Variants in SUMF1 observed in about 807,000 individuals in gnomAD.
The protein encoded by SUMF1 is formylglycine-generating enzyme.
Under a neutral mutation model 47.6 loss-of-function variants are expected in SUMF1, and 48 were observed. The observed-to-expected ratio is 1.01, with a 90% CI of 0.80 to 1.28. The LOEUF (loss-of-function observed/expected upper bound fraction) is 1.28, where lower values mean the gene tolerates loss of function less well. SUMF1 is among the 50% of genes most tolerant of loss of function. The probability of loss-of-function intolerance (pLI) is 0.00; values close to 1 mark genes in which losing one functional copy is unlikely to be tolerated. For missense variants in SUMF1, 571 were observed against 485.4 expected (o/e 1.18, Z -1.66); for synonymous variants, 230 against 192.1 (o/e 1.20, Z -1.63).
Position 4,415,174 on chromosome 3 carries a change from C to A in SUMF1, c.840+1954G>T, listed in dbSNP as rs148715481. ...CCCAGGAGGCGGAGGTTGGAGTGAG[C>A]CACGATCACGCCACTGCACTCCAGC... On this transcript the variant is annotated intron_variant, in intron 6 of 8. Coordinates refer to ENST00000272902, the MANE Select transcript of SUMF1 (RefSeq NM_182760.4). Among the ~76,000 whole-genome samples the A allele has an allele frequency of 3.3e-5, 5 of 149,636 alleles. 1 individual carries two copies. Among genetic ancestry groups the A allele is most frequent in the Admixed American group, 3.3e-4 (5 of 14,978 alleles).
chr3:4,317,025 C>T (rs1431958962), intron 8 of SUMF1: 5 of 1,549,432 alleles, frequency 3.2e-6, no homozygotes, highest in Non-Finnish European at 4.4e-6. Context: ...AGTTTTGCCT[C>T]ATCCACCGTA....
chr3:4,423,938 C>T (rs1701987973), intron 3 of SUMF1, among the ~76,000 whole-genome samples: 3 of 152,200 alleles, frequency 2.0e-5, no homozygotes, highest in African/African-American at 7.2e-5. Context: ...ATCGAAAGGC[C>T]TGAGGCCTCC....
At chr3:4,180,419 T>C (rs1695068005) in intron 8 of SUMF1, among the ~76,000 whole-genome samples, 1 of 151,858 alleles carries the variant, frequency 6.6e-6, no homozygotes, top group South Asian at 2.1e-4. Context: ...CTGGAAACCA[T>C]CATTCTCAGC....
intron 8 of SUMF1, among the ~76,000 whole-genome samples, chr3:4,278,977 G>A (rs745566052): frequency 1.3e-5 from 2 of 152,046 alleles, no homozygotes; most frequent in Admixed American, 6.5e-5. Context: ...AGGCTTTGTA[G>A]TTTGTATGCA....
chr3:4,137,214 A>C (rs1693954154), intron 8 of SUMF1, among the ~76,000 whole-genome samples: 1 of 152,120 alleles, frequency 6.6e-6, no homozygotes, highest in Admixed American at 6.5e-5. Context: ...AAAGACTTGG[A>C]ACCAACCCAA....
At chr3:4,072,782 G>C (rs1401182664) in intron 8 of SUMF1, among the ~76,000 whole-genome samples, 1 of 151,934 alleles carries the variant, frequency 6.6e-6, no homozygotes, top group Non-Finnish European at 1.5e-5. Flanking sequence ...CAAGATTAGA[G>C]AAAAAAAGAG....
chr3:4,296,088 T>C (rs769270535), intron 8 of SUMF1, among the ~76,000 whole-genome samples: 13 of 148,022 alleles, frequency 8.8e-5, no homozygotes, highest in Non-Finnish European at 1.6e-4. Flanking sequence ...TTTTTTCTTA[T>C]AGAAAAATGA....
intron 8 of SUMF1, among the ~76,000 whole-genome samples, chr3:4,240,073 T>C (rs1485499412): frequency 1.3e-5 from 2 of 152,318 alleles, no homozygotes; most frequent in African/African-American, 2.4e-5. Context: ...ATTATGTTTA[T>C]TGATTTGTAT....
At chr3:4,159,057 T>C (rs1303772817) in intron 8 of SUMF1, among the ~76,000 whole-genome samples, 1 of 151,590 alleles carries the variant, frequency 6.6e-6, no homozygotes, top group Admixed American at 6.6e-5. Context: ...CATCTTTTCA[T>C]CTTTCTACTT....
At chr3:4,362,590 T>C (rs1431270092) in intron 8 of SUMF1, among the ~76,000 whole-genome samples, 1 of 152,224 alleles carries the variant, frequency 6.6e-6, no homozygotes, top group East Asian at 1.9e-4. Flanking sequence ...GTCATGTCTT[T>C]ACATAGTATT....
intron 8 of SUMF1, among the ~76,000 whole-genome samples, chr3:4,355,262 G>T (rs962912109): frequency 1.3e-5 from 2 of 151,046 alleles, no homozygotes; most frequent in East Asian, 3.9e-4. Context: ...AGGCTGAGGT[G>T]GGGGGGATCA....
intron 8 of SUMF1, among the ~76,000 whole-genome samples, chr3:4,216,712 C>T (rs1222594379): frequency 6.6e-6 from 1 of 152,110 alleles, no homozygotes; most frequent in Non-Finnish European, 1.5e-5. Context: ...AGGATATGAA[C>T]AAGCAATTCT....
chr3:4,327,380 A>G (rs369581501), intron 8 of SUMF1, among the ~76,000 whole-genome samples: 1 of 152,148 alleles, frequency 6.6e-6, no homozygotes, highest in East Asian at 1.9e-4. Flanking sequence ...TTTTCCATAA[A>G]TTTCCCAAAA....
downstream of SUMF1, among the ~76,000 whole-genome samples, chr3:4,357,447 C>T (rs1305807913): frequency 2.6e-5 from 4 of 151,654 alleles, no homozygotes. Context: ...ATACTGGATT[C>T]TCATGGATGA....
intron 8 of SUMF1, among the ~76,000 whole-genome samples, chr3:4,260,179 T>G (rs1313753488): frequency 1.3e-5 from 2 of 152,158 alleles, no homozygotes; most frequent in Non-Finnish European, 2.9e-5. Context: ...ATAAAGGGAA[T>G]AGAAGAGGGC....
At chr3:4,282,129 A>G (rs544897203) in intron 8 of SUMF1, among the ~76,000 whole-genome samples, 1 of 152,298 alleles carries the variant, frequency 6.6e-6, no homozygotes, top group East Asian at 1.9e-4. Flanking sequence ...TGTGGGTTGA[A>G]AAGACAGTTA....
intron 4 of SUMF1, 149 bp from the exon 5 acceptor site, chr3:4,418,281 A>T: frequency 8.4e-7 from 1 of 1,193,654 alleles, no homozygotes; most frequent in Non-Finnish European, 1.2e-6. Flanking sequence ...GCCATGCTAC[A>T]TCTGTCATGC....
intron 8 of SUMF1, among the ~76,000 whole-genome samples, chr3:4,115,276 A>C (rs1273301243): frequency 6.6e-6 from 1 of 151,836 alleles, no homozygotes; most frequent in Non-Finnish European, 1.5e-5. Flanking sequence ...TGTCCTCCCC[A>C]TTTACCTCGC....
At chr3:4,389,554 C>T (rs989588798) in intron 7 of SUMF1, among the ~76,000 whole-genome samples, 3 of 152,196 alleles carry the variant, frequency 2.0e-5, no homozygotes, top group Non-Finnish European at 4.4e-5. Flanking sequence ...TCTTCTCATG[C>T]TGTCTTCTTT....
Sources: gnomAD v4.1 joint callset for allele counts (sites outside exome capture counted in the v4.1 genomes callset) on GRCh38, gnomAD v4.1.1 for gene constraint, MANE v1.5 for transcripts, NCBI Gene and HGNC (gene_info 2026-07-23, HGNC 2026-07-21) for gene names.